The following COP1 variants were observed in gnomAD, a reference collection of about 807,000 sequenced individuals.
The protein encoded by COP1 is E3 ubiquitin-protein ligase COP1.
Under a neutral mutation model 101.3 loss-of-function variants are expected in COP1, and 24 were observed. The ratio of observed to expected loss-of-function variants is 0.24; its 90% confidence interval spans 0.17 to 0.33. The LOEUF is 0.33. Ranked by LOEUF, COP1 falls within the 10% of genes least tolerant of loss-of-function variation. COP1 has a pLI of 1.00. For synonymous variants in COP1, 347 were observed against 341.9 expected (o/e 1.01, Z -0.17); for missense variants, 663 against 906.2 (o/e 0.73, Z 3.45).
chr1:176,164,156 T>G (rs1572624151), intron 3 of COP1, among the ~76,000 whole-genome samples: 1 of 152,222 alleles, frequency 6.6e-6, no homozygotes, highest in Admixed American at 6.5e-5. Flanking sequence ...GATGACGCTA[T>G]TGGCACTTGC....
At chr1:176,000,511 GACA>G (rs1028086228) in intron 15 of COP1, among the ~76,000 whole-genome samples, 3 of 151,948 alleles carry the variant, frequency 2.0e-5, no homozygotes, top group Non-Finnish European at 4.4e-5. Flanking sequence ...TAATGGCTAT[GACA>G]ACATTAGAAG....
At chr1:176,195,544 T>C (rs563533631) in intron 1 of COP1, among the ~76,000 whole-genome samples, 24 of 152,272 alleles carry the variant, frequency 1.6e-4, no homozygotes, top group African/African-American at 5.5e-4. Flanking sequence ...ATATGGACCA[T>C]TAGCGAAGAT....
At chr1:176,093,496 CAA>C (rs1484265322) in intron 9 of COP1, among the ~76,000 whole-genome samples, 1 of 151,852 alleles carries the variant, frequency 6.6e-6, no homozygotes, top group Non-Finnish European at 1.5e-5. Flanking sequence ...ATTACAAGGT[CAA>C]GAGATTGAGA....
At chr1:175,990,805 A>G (rs1225790809) in intron 15 of COP1, among the ~76,000 whole-genome samples, 1 of 151,958 alleles carries the variant, frequency 6.6e-6, no homozygotes, top group East Asian at 1.9e-4. Flanking sequence ...TTTCTTGACT[A>G]CTACTTACAT....
intron 15 of COP1, among the ~76,000 whole-genome samples, chr1:176,000,533 T>A (rs975698624): frequency 1.4e-4 from 21 of 152,028 alleles, no homozygotes; most frequent in African/African-American, 5.1e-4. Context: ...AGTTTAAAAT[T>A]TTTTACCTCC....
At chr1:175,972,459 G>A (rs895541486) in intron 18 of COP1, among the ~76,000 whole-genome samples, 2 of 145,564 alleles carry the variant, frequency 1.4e-5, no homozygotes, top group Non-Finnish European at 3.0e-5. Context: ...CAAAATACAA[G>A]AATTTTTTTT....
chr1:176,074,425 C>G (rs1452380536), intron 11 of COP1, among the ~76,000 whole-genome samples: 1 of 152,030 alleles, frequency 6.6e-6, no homozygotes, highest in Non-Finnish European at 1.5e-5. Context: ...CTTCATCTCT[C>G]ATGCCTAAGA....
At position 175,979,599 on chromosome 1, in the gene COP1, C is replaced by T. The variant is rs992969661; in HGVS notation, c.2133+7344G>A. ...ATAAAAATATTAAGCCAATAATAAA[C>T]GCCTACTTTCTTGTAGCTGCACACA... On this transcript the variant is annotated intron_variant, in intron 18 of 19. Coordinates refer to ENST00000367669, the MANE Select transcript of COP1 (RefSeq NM_022457.7). Among the ~76,000 whole-genome samples, 7 of 151,440 alleles carry T rather than the reference C, an allele frequency of 4.6e-5. No homozygotes were observed. The East Asian group carries it at 5.8e-4, about 13-fold the overall frequency.
chr1:176,189,685 C>A (rs899911894), intron 1 of COP1, among the ~76,000 whole-genome samples: 1 of 150,842 alleles, frequency 6.6e-6, no homozygotes, highest in Admixed American at 6.6e-5. Flanking sequence ...AACATAAATA[C>A]AAAATACATT....
intron 9 of COP1, among the ~76,000 whole-genome samples, chr1:176,114,052 G>A (rs925302763): frequency 2.0e-5 from 3 of 151,756 alleles, no homozygotes; most frequent in Non-Finnish European, 4.4e-5. Context: ...GTCACAGGGA[G>A]TAGCCTTGTC....
intron 15 of COP1, among the ~76,000 whole-genome samples, chr1:176,008,146 G>GAACT: frequency 6.6e-6 from 1 of 152,208 alleles, no homozygotes; most frequent in East Asian, 1.9e-4. Flanking sequence ...CTCGGAAAGG[G>GAACT]AACTCCCTGA....
chr1:176,115,516 A>AG (rs1018240651), intron 9 of COP1, among the ~76,000 whole-genome samples: 4 of 152,062 alleles, frequency 2.6e-5, no homozygotes, highest in Non-Finnish European at 2.9e-5. Context: ...GGAGAGGTCA[A>AG]GGGGGGAGGA....
rs1340387062 is a variant in COP1 at position 176,115,846 on chromosome 1, A to G, written c.1026+778T>C. ...TATCAGTATCTCCAAGCCAAAGATG[A>G]AGAGAGTAAAGGTTAAAATACTCAT... On this transcript the variant is annotated intron_variant, in intron 9 of 19. Transcript: ENST00000367669. Among the ~76,000 whole-genome samples, 3 of 152,338 alleles carry G rather than the reference A, an allele frequency of 2.0e-5. No individual in the cohort carries two copies. In the East Asian group the frequency reaches 5.8e-4, roughly 29 times the overall value.
chr1:176,147,216 A>C (rs1282969450), intron 6 of COP1, among the ~76,000 whole-genome samples: 1 of 152,168 alleles, frequency 6.6e-6, no homozygotes, highest in African/African-American at 2.4e-5. Context: ...TAAACACGCA[A>C]ATAGACTTAC....
At chr1:175,951,774 A>G (rs1176321457) in intron 18 of COP1, among the ~76,000 whole-genome samples, 1 of 152,124 alleles carries the variant, frequency 6.6e-6, no homozygotes, top group African/African-American at 2.4e-5. Flanking sequence ...GGAAAAAAGC[A>G]TGAGAGGAAA....
At chr1:176,194,764 T>C (rs1699477746) in intron 1 of COP1, among the ~76,000 whole-genome samples, 2 of 151,842 alleles carry the variant, frequency 1.3e-5, no homozygotes, top group African/African-American at 4.8e-5. Flanking sequence ...AATAAAAACA[T>C]ACCATGTAAA....
chr1:175,975,904 A>C (rs569969002), intron 18 of COP1, among the ~76,000 whole-genome samples: 16 of 152,340 alleles, frequency 1.1e-4, no homozygotes, highest in African/African-American at 3.8e-4. Flanking sequence ...TAAAGTCTAC[A>C]TGATAATTGG....
chr1:176,053,651 A>G (rs1571944968), intron 11 of COP1, among the ~76,000 whole-genome samples: 1 of 152,154 alleles, frequency 6.6e-6, no homozygotes, highest in Non-Finnish European at 1.5e-5. Context: ...ACCTTATGAC[A>G]TAACACTTTC....
intron 7 of COP1, 96 bp downstream of exon 7, chr1:176,136,392 C>G: frequency 1.4e-6 from 1 of 716,194 alleles, no homozygotes; most frequent in South Asian, 2.0e-5. Flanking sequence ...TTCCTAAGAC[C>G]AATCCCATAA....
Sources: allele counts gnomAD v4.1 joint callset (sites outside exome capture counted in the v4.1 genomes callset), GRCh38; gene constraint gnomAD v4.1.1; transcripts MANE v1.5; gene names NCBI Gene and HGNC (gene_info 2026-07-23, HGNC 2026-07-21).